The following ALK variants were observed in gnomAD, a reference collection of about 807,000 sequenced individuals.
The protein encoded by ALK is ALK tyrosine kinase receptor.
ALK carries 74 observed loss-of-function variants against 163.1 expected under a neutral mutation model. That is an observed-to-expected ratio of 0.45 (90% CI 0.38 to 0.55). ALK has a LOEUF of 0.55. Among genes scored for constraint, ALK ranks in the 20% least tolerant of loss-of-function variants. ALK has a pLI of 0.00. For synonymous variants in ALK, 960 were observed against 843.2 expected, an observed-to-expected ratio of 1.14 and a Z score of -2.40; for missense variants, 2,063 against 2,105.3, an observed-to-expected ratio of 0.98 and a Z score of 0.39.
intron 3 of ALK, among the ~76,000 whole-genome samples, chr2:29,616,685 ACTC>A (rs1453014911): frequency 6.6e-6 from 1 of 151,858 alleles, no homozygotes; most frequent in East Asian, 1.9e-4. Flanking sequence ...AAAATATCAG[ACTC>A]CTCCTAACTC....
At chr2:29,821,878 C>A (rs945853931) in intron 1 of ALK, among the ~76,000 whole-genome samples, 2 of 152,172 alleles carry the variant, frequency 1.3e-5, no homozygotes, top group Admixed American at 6.5e-5. Context: ...AAGATGAGCA[C>A]AGACTGGGGA....
At chr2:29,631,406 TG>T (rs993907677) in intron 3 of ALK, among the ~76,000 whole-genome samples, 19 of 152,242 alleles carry the variant, frequency 1.2e-4, no homozygotes, top group Non-Finnish European at 1.5e-5. Context: ...CCTCTGCTTC[TG>T]GCTCTACTAA....
At chr2:29,222,706 CA>C in intron 20 of ALK, 99 bp from the exon 21 acceptor site, 1 of 1,011,694 alleles carries the variant, frequency 9.9e-7, no homozygotes, top group Admixed American at 2.0e-5. Context: ...AGTGGACAAA[CA>C]CGAGAGGCGG....
intron 4 of ALK, among the ~76,000 whole-genome samples, chr2:29,477,990 TG>T (rs1260325607): frequency 1.1e-4 from 16 of 152,360 alleles, no homozygotes; most frequent in Admixed American, 9.1e-4. Context: ...ACTATTTTCC[TG>T]AGTCTGAGTT....
intron 3 of ALK, among the ~76,000 whole-genome samples, chr2:29,694,569 A>T (rs1678496779): frequency 6.6e-6 from 1 of 152,212 alleles, no homozygotes; most frequent in Admixed American, 6.5e-5. Context: ...TCAAATACCG[A>T]TCAGCACTTT....
chr2:29,805,021 A>G (rs1396211193), intron 1 of ALK, among the ~76,000 whole-genome samples: 3 of 152,082 alleles, frequency 2.0e-5, no homozygotes, highest in Non-Finnish European at 4.4e-5. Context: ...GGAAGCCTCT[A>G]TTAAATGTTT....
intron 3 of ALK, among the ~76,000 whole-genome samples, chr2:29,586,003 T>C (rs938501717): frequency 6.6e-6 from 1 of 152,214 alleles, no homozygotes; most frequent in Non-Finnish European, 1.5e-5. Flanking sequence ...AATATGTTTA[T>C]GTTCTTGCTA....
intron 4 of ALK, among the ~76,000 whole-genome samples, chr2:29,513,630 A>G (rs1672582191): frequency 6.6e-6 from 1 of 151,958 alleles, no homozygotes; most frequent in South Asian, 2.1e-4. Context: ...AATGGCAACA[A>G]AAGACAAAAT....
chr2:29,784,433 C>T (rs1320806979), intron 1 of ALK, among the ~76,000 whole-genome samples: 3 of 152,126 alleles, frequency 2.0e-5, no homozygotes, highest in South Asian at 2.1e-4. Flanking sequence ...CAGTGGCTCA[C>T]GCCTGTAATC....
chr2:29,374,511 C>T (rs1308285322), intron 5 of ALK, among the ~76,000 whole-genome samples: 3 of 151,366 alleles, frequency 2.0e-5, no homozygotes. Context: ...AGGAACTTAG[C>T]ATCTATTGAG....
chr2:29,679,446 T>TTCTG (rs1248442520), intron 3 of ALK, among the ~76,000 whole-genome samples: 2 of 151,804 alleles, frequency 1.3e-5, no homozygotes, highest in African/African-American at 4.8e-5. Flanking sequence ...TCCTTGCTTT[T>TTCTG]TCTTTCTTTC....
intron 3 of ALK, among the ~76,000 whole-genome samples, chr2:29,617,699 T>C (rs1165140355): frequency 6.6e-6 from 1 of 152,208 alleles, no homozygotes; most frequent in African/African-American, 2.4e-5. Flanking sequence ...AAACCCCACT[T>C]GTCCTTGCTG....
chr2:29,427,579 TTAAAA>T (rs1670175509), intron 4 of ALK, among the ~76,000 whole-genome samples: 4 of 151,604 alleles, frequency 2.6e-5, no homozygotes, highest in Admixed American at 2.0e-4. Flanking sequence ...ATTAAACAAA[TTAAAA>T]TGTTACTCTA....
At chr2:29,404,229 A>C (rs1669525180) in intron 4 of ALK, among the ~76,000 whole-genome samples, 1 of 150,924 alleles carries the variant, frequency 6.6e-6, no homozygotes, top group Non-Finnish European at 1.5e-5. Flanking sequence ...ACTTGAACCC[A>C]GGAGGCGGAG....
At position 29,580,426 on chromosome 2, in the gene ALK, C is replaced by T. The variant is rs144565097; in HGVS notation, c.953-48310G>A. On this transcript the variant is annotated intron_variant, in intron 3 of 28. Coordinates refer to ENST00000389048, the MANE Select transcript of ALK (RefSeq NM_004304.5). ...CACAGGAGCCAAACCGCAAGGCCAC[C>T]GCTGGCATCTGAGCAACCTTATAAC... Among the ~76,000 whole-genome samples the T allele has an allele frequency of 4.8e-4, 73 of 152,272 alleles. 1 individual carries two copies. In the East Asian group the frequency reaches 0.013, roughly 26 times the overall value.
chr2:29,403,550 G>T (rs534774266), intron 4 of ALK, among the ~76,000 whole-genome samples: 39 of 151,944 alleles, frequency 2.6e-4, no homozygotes, highest in African/African-American at 9.4e-4. Context: ...GAATGTTACT[G>T]CGGTTAATCT....
At chr2:29,435,771 T>C (rs1425712378) in intron 4 of ALK, among the ~76,000 whole-genome samples, 1 of 152,174 alleles carries the variant, frequency 6.6e-6, no homozygotes, top group African/African-American at 2.4e-5. Context: ...ACTCTGACCC[T>C]TAAAGAAGTA....
chr2:29,607,561 A>G (rs144502210), intron 3 of ALK, among the ~76,000 whole-genome samples: 2 of 152,320 alleles, frequency 1.3e-5, no homozygotes, highest in East Asian at 1.9e-4. Context: ...TATGACCTCC[A>G]GATAGCTAAA....
intron 23 of ALK, 144 bp from the exon 24 acceptor site, chr2:29,214,225 G>GA: frequency 1.4e-6 from 1 of 708,920 alleles, no homozygotes; most frequent in Middle Eastern, 3.9e-4. Flanking sequence ...CTGCACATTA[G>GA]AAATCACCTG....
Sources: allele counts gnomAD v4.1 joint callset (sites outside exome capture counted in the v4.1 genomes callset), GRCh38; gene constraint gnomAD v4.1.1; transcripts MANE v1.5; gene names NCBI Gene and HGNC (gene_info 2026-07-23, HGNC 2026-07-21).